S100A10: variants seen among roughly 807,000 people sequenced by gnomAD.
S100A10 encodes S100 calcium binding protein A10, also known as protein S100-A10.
In S100A10, 3 loss-of-function variants were observed where a neutral mutation model predicts 7.1. The ratio of observed to expected loss-of-function variants is 0.42; its 90% CI spans 0.19 to 1.10. S100A10 has a LOEUF of 1.10. Ranked by LOEUF, S100A10 falls within the 50% of genes least tolerant of loss-of-function variation. The probability of loss-of-function intolerance (pLI) is 0.29; values close to 1 mark genes in which losing one functional copy is unlikely to be tolerated. For synonymous variants in S100A10, 41 were observed against 39.3 expected, an observed-to-expected ratio of 1.04 and a Z score of -0.16; for missense variants, 101 against 118.1, an observed-to-expected ratio of 0.86 and a Z score of 0.67.
chr1:151,993,669 A>AG lies in S100A10; in HGVS notation c.-22+82dup, dbSNP rs1655959252. On this transcript the variant is annotated intron_variant, in intron 1 of 2. Transcript: ENST00000368811. This position sits in a 1 kb window ranked among gnomAD's most constrained non-coding sequence, Gnocchi z 5.1. ...CCGCGGTGCTCCGGACGCCCCGCGA[A>AG]GCCGGGTGCAGGGTTTTCCCCGGGC... is the stretch of plus-strand genomic sequence containing the variant. 6.6e-6 allele frequency: 1 copy of AG among 152,432 alleles called. No homozygotes were observed. The highest frequency in any genetic ancestry group is 2.4e-5 in the African/African-American group (1 of 41,450). The allele number at this position is 152,432 out of a possible 1,614,324, so 9.4% of individuals were successfully genotyped here.
At chr1:151,983,703 GGT>G (rs1436717365) in intron 2 of S100A10, among the ~76,000 whole-genome samples, 2 of 152,186 alleles carry the variant, frequency 1.3e-5, no homozygotes, top group Non-Finnish European at 2.9e-5. Flanking sequence ...ATTTTAAAGA[GGT>G]GTTAATGATG....
At position 151,986,225 on chromosome 1, in the gene S100A10, T is replaced by G. The variant is rs776775873; in HGVS notation, c.6A>C (p.Pro2=). 3.7e-6 allele frequency: 6 copies of G among 1,603,306 alleles called. No homozygotes were observed. Among genetic ancestry groups the G allele is most frequent in the Non-Finnish European group, 5.1e-6 (6 of 1,176,586 alleles). M[P]SQMEHAMETM... ...TTTCCATGGCGTGTTCCATTTGAGA[T>G]GGCATTTTGGTGTGGTCCGTTGAAG... Residue 2 remains proline, a synonymous_variant, in exon 2 of 3, where the codon CCA becomes CCC. Transcript: ENST00000368811.
intron 1 of S100A10, among the ~76,000 whole-genome samples, chr1:151,991,723 A>G (rs1326764323): frequency 6.6e-6 from 1 of 152,172 alleles, no homozygotes; most frequent in Non-Finnish European, 1.5e-5. Flanking sequence ...GTTTCTCTCA[A>G]CTTTACGCTT....
chr1:151,983,332 A>C lies in S100A10; in HGVS notation c.133-8T>G, dbSNP rs1430183010. 7 of 1,523,238 alleles carry C rather than the reference A, an allele frequency of 4.6e-6. No individual in the cohort carries two copies. In the African/African-American group the frequency reaches 9.8e-5, roughly 21 times the overall value. The allele number at this position is 1,523,238 out of a possible 1,614,324, so 94.4% of individuals were successfully genotyped here. On this transcript the variant is annotated splice_polypyrimidine_tract_variant and splice_region_variant and intron_variant, in intron 2 of 2. Transcript: ENST00000368811. Reference sequence around the variant, plus strand: ...CAGAGGGTCTTTTTGATTCTGAAAAAAAAAAGAACAAAGGCAAGAAATAGA... The same window carrying C: ...CAGAGGGTCTTTTTGATTCTGAAAACAAAAAGAACAAAGGCAAGAAATAGA...
Position 151,991,457 on chromosome 1 carries a change from C to G in S100A10, c.-22+2295G>C, listed in dbSNP as rs557683554. On this transcript the variant is annotated intron_variant, in intron 1 of 2. Transcript: ENST00000368811. The stretch of plus-strand genomic sequence containing the variant: ...AAGAATGCTTAGGCATCAGCCTAAT[C>G]AGCCAACATAGCTACTGTCAAAACT... 7.9e-4 allele frequency among the ~76,000 whole-genome samples: 120 copies of G among 152,344 alleles called. No homozygotes were observed. The South Asian group carries it at 0.011, about 14-fold the overall frequency.
intron 1 of S100A10, among the ~76,000 whole-genome samples, chr1:151,990,497 A>C (rs1416095730): frequency 6.6e-6 from 1 of 152,212 alleles, no homozygotes; most frequent in African/African-American, 2.4e-5. Context: ...TTGTCTGAGC[A>C]ACAGGTCTTA....
chr1:151,983,637 C>T (rs1655739897), intron 2 of S100A10, among the ~76,000 whole-genome samples: 1 of 152,106 alleles, frequency 6.6e-6, no homozygotes. Flanking sequence ...AAAGGAAACT[C>T]CTTATGAAAA....
chr1:151,983,719 T>C (rs539039961), intron 2 of S100A10, among the ~76,000 whole-genome samples: 1 of 152,284 alleles, frequency 6.6e-6, no homozygotes, highest in South Asian at 2.1e-4. Flanking sequence ...AATGATGCCA[T>C]GGGTTGGTTT....
intron 2 of S100A10, 75 bp downstream of exon 2, chr1:151,986,024 C>A: frequency 7.4e-7 from 1 of 1,355,838 alleles, no homozygotes; most frequent in Non-Finnish European, 9.9e-7. Flanking sequence ...GGGATGGAAA[C>A]AAGAAGGAAA....
At chr1:151,987,538 CTTTT>C (rs11383937) in intron 1 of S100A10, among the ~76,000 whole-genome samples, 295 of 116,312 alleles carry the variant, frequency 2.5e-3, no homozygotes, top group Non-Finnish European at 3.5e-3. Flanking sequence ...TATATGTATT[CTTTT>C]TTTTTTTTTT....
Position 151,989,393 on chromosome 1 carries a change from G to A in S100A10, c.-21-3142C>T, listed in dbSNP as rs149340980. On this transcript the variant is annotated intron_variant, in intron 1 of 2. Coordinates refer to ENST00000368811, the MANE Select transcript of S100A10 (RefSeq NM_002966.3). ...GAATATTGCAGCCAGCTGACTCCCT[G>A]TGTGTCCAGTAGGCCTTCTGCAATA... Among the ~76,000 whole-genome samples the A allele has an allele frequency of 4.8e-3, 726 of 152,280 alleles. 9 individuals carry two copies. The highest frequency in any genetic ancestry group is 0.029 in the East Asian group (148 of 5,176).
intron 1 of S100A10, among the ~76,000 whole-genome samples, chr1:151,992,881 A>AG (rs11459749): frequency 0.91 from 139,187 of 152,260 alleles, 63,628 homozygotes; most frequent in East Asian, 0.95. Context: ...GAGGCTGGAC[A>AG]GGCAGCAGTG....
At chr1:151,988,848 G>C (rs942882324) in intron 1 of S100A10, among the ~76,000 whole-genome samples, 1 of 152,148 alleles carries the variant, frequency 6.6e-6, no homozygotes, top group Admixed American at 6.5e-5. Context: ...TGAACTGGGC[G>C]AGTCACCTCT....
chr1:151,983,610 A>G (rs568264835), intron 2 of S100A10, among the ~76,000 whole-genome samples: 34 of 152,050 alleles, frequency 2.2e-4, no homozygotes, highest in African/African-American at 8.0e-4. Context: ...TCCTAATGGC[A>G]TGGTCAAATC....
chr1:151,991,481 C>T (rs1189296488), intron 1 of S100A10, among the ~76,000 whole-genome samples: 1 of 152,246 alleles, frequency 6.6e-6, no homozygotes, highest in African/African-American at 2.4e-5. Context: ...ACTGTCAAAA[C>T]TGCTTTTAGT....
rs1311347906 is a variant in S100A10, at chr1:151,993,281, G to A, written c.-22+471C>T. Reference sequence around the variant, plus strand: ...CCCCAGCTGCCTACTCGTCCTACCCGCGCCTACTTGGGCGGTACAGCCGGG... The same window carrying A: ...CCCCAGCTGCCTACTCGTCCTACCCACGCCTACTTGGGCGGTACAGCCGGG... On this transcript the variant is annotated intron_variant, in intron 1 of 2. Coordinates refer to ENST00000368811, the MANE Select transcript of S100A10 (RefSeq NM_002966.3). The surrounding 1 kb of genome is among the most constrained non-coding windows in gnomAD (Gnocchi z 5.1). 6.6e-6 allele frequency among the ~76,000 whole-genome samples: 1 copy of A among 152,154 alleles called. No individual in the cohort carries two copies. The highest frequency in any genetic ancestry group is 1.5e-5 in the Non-Finnish European group (1 of 68,028).
At chr1:151,990,117 G>C (rs139303571) in intron 1 of S100A10, among the ~76,000 whole-genome samples, 52 of 152,336 alleles carry the variant, frequency 3.4e-4, no homozygotes, top group African/African-American at 1.3e-3. Flanking sequence ...GATTACCCAG[G>C]ACTAGGCTGA....
chr1:151,987,843 C>G (rs992644188), intron 1 of S100A10, among the ~76,000 whole-genome samples: 1 of 152,184 alleles, frequency 6.6e-6, no homozygotes, highest in Non-Finnish European at 1.5e-5. Flanking sequence ...GTATTCTTTA[C>G]TAAAGCTCTG....
intron 1 of S100A10, among the ~76,000 whole-genome samples, chr1:151,988,951 CAG>C (rs1455253826): frequency 2.6e-5 from 4 of 152,190 alleles, no homozygotes; most frequent in Non-Finnish European, 4.4e-5. Flanking sequence ...TGCTCAAGTT[CAG>C]AGCAGCAGAG....
Sources: gnomAD v4.1 joint callset for allele counts (sites outside exome capture counted in the v4.1 genomes callset) on GRCh38, gnomAD v4.1.1 for gene constraint, Gnocchi (gnomAD v3.1) non-coding constraint, MANE v1.5 for transcripts, NCBI Gene and HGNC (gene_info 2026-07-23, HGNC 2026-07-21) for gene names.